Variants in GLI2 observed in about 807,000 individuals in gnomAD.
GLI2 encodes transcription activator GLI2.
A neutral mutation model predicts 78.9 loss-of-function variants in GLI2; 22 were observed. The observed-to-expected ratio is 0.28, with a 90% confidence interval of 0.20 to 0.40. The LOEUF is 0.40. Among genes scored for constraint, GLI2 ranks in the 10% least tolerant of loss-of-function variants. The probability of loss-of-function intolerance (pLI) is 1.00; values close to 1 mark genes in which losing one functional copy is unlikely to be tolerated. For synonymous variants in GLI2, 974 were observed against 963.7 expected (o/e 1.01, Z -0.20); for missense variants, 2,097 against 2,213.2 (o/e 0.95, Z 1.05).
At chr2:120,854,373 C>T (rs1231871081) in intron 2 of GLI2, among the ~76,000 whole-genome samples, 1 of 152,172 alleles carries the variant, frequency 6.6e-6, no homozygotes, top group Admixed American at 6.5e-5. Context: ...CCTGCCAGTT[C>T]CAGCCGCGCA....
At chr2:120,867,827 T>G (rs1573506599) in intron 2 of GLI2, among the ~76,000 whole-genome samples, 1 of 148,186 alleles carries the variant, frequency 6.7e-6, no homozygotes. Flanking sequence ...GGAGGGAGGA[T>G]GGGGGAGGAA....
In GLI2 at chr2:120,784,927, G is replaced by A. The variant is rs189237406; in HGVS notation, c.-30-12364G>A. 3.6e-3 allele frequency among the ~76,000 whole-genome samples: 545 copies of A among 152,248 alleles called. 3 individuals carry two copies. Among genetic ancestry groups the A allele is most frequent in the African/African-American group, 0.011 (456 of 41,540 alleles). On this transcript the variant is annotated intron_variant, in intron 1 of 13. Transcript: ENST00000361492. The stretch of plus-strand genomic sequence containing the variant: ...ACACCTGGACTGGAAGCTCTGGGGC[G>A]GTAGTACTGTGTTTCCCTCACTTCT...
intron 2 of GLI2, among the ~76,000 whole-genome samples, chr2:120,894,340 C>T (rs1003208413): frequency 6.6e-6 from 1 of 151,792 alleles, no homozygotes; most frequent in Non-Finnish European, 1.5e-5. Flanking sequence ...GCCTGGGGCC[C>T]GCGTAGCTGA....
chr2:120,982,397 G>A (rs1682754348), intron 10 of GLI2, among the ~76,000 whole-genome samples: 3 of 152,150 alleles, frequency 2.0e-5, no homozygotes, highest in African/African-American at 7.2e-5. Flanking sequence ...AAAAAATAGA[G>A]TATGTAACTG....
chr2:120,782,496 G>T (rs548720185), intron 1 of GLI2, among the ~76,000 whole-genome samples: 1 of 152,256 alleles, frequency 6.6e-6, no homozygotes, highest in African/African-American at 2.4e-5. Context: ...CTGAGGTGTG[G>T]CGAAGCTGAG....
intron 1 of GLI2, among the ~76,000 whole-genome samples, chr2:120,790,091 A>G (rs948704682): frequency 1.3e-5 from 2 of 152,234 alleles, no homozygotes; most frequent in African/African-American, 2.4e-5. Context: ...CTCTGAGTCA[A>G]CATGGGAACC....
intron 1 of GLI2, among the ~76,000 whole-genome samples, chr2:120,773,674 G>A (rs1683589573): frequency 6.6e-6 from 1 of 152,174 alleles, no homozygotes; most frequent in Admixed American, 6.5e-5. Context: ...TGGGGTGAGG[G>A]AAGTGATTGG....
chr2:120,969,120 T>A (rs1682012720), intron 6 of GLI2, among the ~76,000 whole-genome samples: 1 of 152,240 alleles, frequency 6.6e-6, no homozygotes, highest in Admixed American at 6.5e-5. Flanking sequence ...GAGTACATCT[T>A]CATGGACCAG....
At chr2:120,768,546 C>A (rs1683434175) in intron 1 of GLI2, among the ~76,000 whole-genome samples, 1 of 152,244 alleles carries the variant, frequency 6.6e-6, no homozygotes, top group Non-Finnish European at 1.5e-5. Context: ...AATGAGGGGC[C>A]ATTCTCCAAC....
intron 2 of GLI2, among the ~76,000 whole-genome samples, chr2:120,836,237 T>A (rs1331495595): frequency 6.6e-6 from 1 of 152,208 alleles, no homozygotes; most frequent in Non-Finnish European, 1.5e-5. Context: ...GTGTTTGTCA[T>A]CCCTCTGGCA....
At chr2:120,882,900 G>A (rs966066048) in intron 2 of GLI2, among the ~76,000 whole-genome samples, 2 of 151,796 alleles carry the variant, frequency 1.3e-5, no homozygotes, top group African/African-American at 4.8e-5. Context: ...TTTAACAAAT[G>A]TATACGGTTG....
chr2:120,979,493 T>C (rs544354934), intron 10 of GLI2, among the ~76,000 whole-genome samples: 2 of 152,328 alleles, frequency 1.3e-5, no homozygotes, highest in East Asian at 3.9e-4. Flanking sequence ...TGTTTTCACC[T>C]TAATATCTCT....
chr2:120,790,145 G>A (rs1684106442), intron 1 of GLI2, among the ~76,000 whole-genome samples: 1 of 152,196 alleles, frequency 6.6e-6, no homozygotes, highest in Admixed American at 6.5e-5. Context: ...TTTTCTTCCA[G>A]ATGTGTCTCC....
chr2:120,887,810 C>T (rs989159829), intron 2 of GLI2, among the ~76,000 whole-genome samples: 3 of 152,160 alleles, frequency 2.0e-5, no homozygotes, highest in South Asian at 2.1e-4. Flanking sequence ...GGAAGGGGAG[C>T]GCTAATACCA....
At position 120,754,169 on chromosome 2, in the gene GLI2, A is replaced by G. The variant is rs568031382; in HGVS notation, c.-31+17884A>G. ...TTGTACTTTAGACAGATATTGGTAA[A>G]TCACTTTCCATAGAAGTTTACACTC... On this transcript the variant is annotated intron_variant, in intron 1 of 13. Transcript: ENST00000361492. Among the ~76,000 whole-genome samples, 15 of 152,236 alleles carry G rather than the reference A, an allele frequency of 9.9e-5. No individual in the cohort carries two copies. In the East Asian group the frequency reaches 2.1e-3, roughly 22 times the overall value.
At chr2:120,924,131 G>C (rs928723448) in intron 2 of GLI2, among the ~76,000 whole-genome samples, 6 of 152,220 alleles carry the variant, frequency 3.9e-5, no homozygotes, top group African/African-American at 1.4e-4. Flanking sequence ...GGCACACCAG[G>C]GTGCTGGGGG....
chr2:120,921,804 C>T (rs1301874400), intron 2 of GLI2, among the ~76,000 whole-genome samples: 13 of 152,326 alleles, frequency 8.5e-5, no homozygotes, highest in Admixed American at 7.2e-4. Flanking sequence ...CTTCCCATGG[C>T]CTGGCTAGTG....
intron 1 of GLI2, among the ~76,000 whole-genome samples, chr2:120,796,661 G>A (rs13417373): frequency 0.22 from 32,738 of 152,210 alleles, 7,898 homozygotes; most frequent in African/African-American, 0.6. Context: ...CACTCACTGA[G>A]ATTAAATCTA....
chr2:120,986,005 C>T (rs1312707685), intron 12 of GLI2, among the ~76,000 whole-genome samples: 1 of 152,260 alleles, frequency 6.6e-6, no homozygotes, highest in Admixed American at 6.5e-5. Flanking sequence ...CTGCACGCTG[C>T]GTGCTGTCCA....
Sources: allele counts gnomAD v4.1 joint callset (sites outside exome capture counted in the v4.1 genomes callset), GRCh38; gene constraint gnomAD v4.1.1; transcripts MANE v1.5; gene names NCBI Gene and HGNC (gene_info 2026-07-23, HGNC 2026-07-21).